Variants in EPS8L3 observed in about 807,000 individuals in gnomAD.
EPS8L3 encodes EPS8 signaling adaptor L3, also known as epidermal growth factor receptor kinase substrate 8-like protein 3.
A neutral mutation model predicts 88.5 loss-of-function variants in EPS8L3; 80 were observed. The observed-to-expected ratio is 0.90, with a 90% CI of 0.75 to 1.09. The LOEUF (loss-of-function observed/expected upper bound fraction) is 1.09. Among genes scored for constraint, EPS8L3 ranks in the 50% least tolerant of loss-of-function variants. The pLI is 0.00. For synonymous variants in EPS8L3, 286 were observed against 291.0 expected (o/e 0.98, Z 0.18); for missense variants, 721 against 735.2 (o/e 0.98, Z 0.22).
chr1:109,761,631 C>T lies in EPS8L3; in HGVS notation c.32-72G>A. The T allele has an allele frequency of 5.6e-6, 9 of 1,605,654 alleles. No individual in the cohort carries two copies. The South Asian group carries it at 7.7e-5, about 14-fold the overall frequency. The stretch of plus-strand genomic sequence containing the variant: ...GTGAGACTCAGGCAACTGCTGGGGG[C>T]AGTTGGTGTGAGGAAGGGGGAGTGG... On this transcript the variant is annotated intron_variant, in intron 2 of 18. Coordinates refer to ENST00000361965, the MANE Select transcript of EPS8L3 (RefSeq NM_133181.4).
At position 109,761,553 on chromosome 1, in the gene EPS8L3, C is replaced by T. The variant is rs763054655; in HGVS notation, c.38G>A (p.Arg13Gln). 74 of 1,613,502 alleles carry T rather than the reference C, an allele frequency of 4.6e-5. No individual in the cohort carries two copies. The highest frequency in any genetic ancestry group is 2.5e-4 in the Admixed American group (15 of 59,960). The change falls in exon 3 of 19, where the codon CGG (arginine) becomes CAG (glutamine). Residue 13 changes from arginine to glutamine, a missense_variant. By Grantham distance (43) the Arg-to-Gln change is conservative. Coordinates refer to ENST00000361965, the MANE Select transcript of EPS8L3 (RefSeq NM_133181.4). ...RPSSRAIYLH[R>Q]KEYSQNLTSE... is the part of the protein sequence containing the mutation. ...GGTGAGGTTCTGGGAGTACTCCTTC[C>T]GGTGCACTACAAGGGCACAGAGCAA...
chr1:109,752,358 G>T, intron 14 of EPS8L3, 165 bp from the exon 15 acceptor site: 1 of 668,186 alleles, frequency 1.5e-6, no homozygotes, highest in Non-Finnish European at 2.5e-6. Context: ...CTTTCTGCAG[G>T]CAGGAGGGGT....
At position 109,750,088 on chromosome 1, in the gene EPS8L3, G is replaced by T; in HGVS notation, c.*303C>A. 1 of 448,308 alleles carries T rather than the reference G, an allele frequency of 2.2e-6. No homozygotes were observed. Among genetic ancestry groups the T allele is most frequent in the Non-Finnish European group, 4.0e-6 (1 of 250,506 alleles). 27.8% of individuals were successfully genotyped at this position (448,308 alleles called of 1,614,324 possible). A position where few individuals can be genotyped will look rare whatever the true frequency, so the allele number is the denominator to read the frequency against. On this transcript the variant is annotated 3_prime_UTR_variant, in exon 19 of 19. Transcript: ENST00000361965. ...TGCGAGGGAGGCACATGACAAGCTT[G>T]AAGATGCTTTTATTGAGAAGGAGAG...
Position 109,759,343 on chromosome 1 carries a change from A to C in EPS8L3, c.300T>G (p.Asn100Lys). 1 of 1,614,126 alleles carries C rather than the reference A, an allele frequency of 6.2e-7. No individual in the cohort carries two copies. Residue 100 changes from asparagine to lysine, a missense_variant, in exon 5 of 19, where the codon AAT (asparagine) becomes AAG (lysine). Asn to Lys is a moderately conservative substitution (Grantham distance 94). Coordinates refer to ENST00000361965, the MANE Select transcript of EPS8L3 (RefSeq NM_133181.4). This position sits in a 1 kb window ranked among gnomAD's most constrained non-coding sequence, Gnocchi z 4.2. ...SYRLDSIQAM[N>K]VALNTCSYNS... is the part of the protein sequence containing the mutation. ...TGTAGGAACATGTGTTGAGCGCCAC[A>C]TTCATGGCCTGGATGCTGTCTAGGC...
In EPS8L3 at chr1:109,758,447, A is replaced by C; in HGVS notation, c.602-16T>G. 6.3e-7 allele frequency: 1 copy of C among 1,585,198 alleles called. No homozygotes were observed. Among genetic ancestry groups the C allele is most frequent in the Non-Finnish European group, 8.6e-7 (1 of 1,166,744 alleles). ...GGTGGGAGGCCTGCAGTGTAAGGGG[A>C]CCATGGACCTAGATCTTAGATCTTT... On this transcript the variant is annotated splice_polypyrimidine_tract_variant and intron_variant, in intron 7 of 18. Coordinates refer to ENST00000361965, the MANE Select transcript of EPS8L3 (RefSeq NM_133181.4).
chr1:109,756,805 G>C (rs1650325154), intron 12 of EPS8L3, among the ~76,000 whole-genome samples: 2 of 152,210 alleles, frequency 1.3e-5, no homozygotes, highest in African/African-American at 4.8e-5. Flanking sequence ...ACATGTTTCA[G>C]TAGTGGGTGA....
chr1:109,753,548 G>C (rs947109867), intron 12 of EPS8L3, among the ~76,000 whole-genome samples: 5 of 152,208 alleles, frequency 3.3e-5, no homozygotes, highest in Non-Finnish European at 7.3e-5. Flanking sequence ...AACACCCCAG[G>C]GGTCTTGTGC....
In EPS8L3 at chr1:109,752,072, GGGCT is replaced by G. The variant is rs773230881; in HGVS notation, c.1353_1356del (p.Ala452Ter). On this transcript the variant is annotated frameshift_variant, in exon 15 of 19. Transcript: ENST00000361965. LOFTEE classifies it high-confidence loss of function. The stretch of plus-strand genomic sequence containing the variant: ...AACTCGTACAAGACTTGCATTTTCA[GGGCT>G]GGCTGGGCAGGTTTGGGGCTGGAGG... 1 of 1,614,106 alleles carries G rather than the reference GGGCT, an allele frequency of 6.2e-7. No homozygotes were observed. The highest frequency in any genetic ancestry group is 8.5e-7 in the Non-Finnish European group (1 of 1,180,034).
Position 109,761,784 on chromosome 1 carries a change from A to G in EPS8L3, c.-24-11T>C, listed in dbSNP as rs770648531. On this transcript the variant is annotated splice_polypyrimidine_tract_variant and intron_variant, in intron 1 of 18. Transcript: ENST00000361965. ...GCTGAGGACGGCTCCCTAGAACCCAAAGTGAACCAGAGGCAGCCATCAGAG... is the reference window on the plus strand; with the variant it reads ...GCTGAGGACGGCTCCCTAGAACCCAGAGTGAACCAGAGGCAGCCATCAGAG... 9.3e-6 allele frequency: 15 copies of G among 1,613,542 alleles called. 1 individual carries two copies. The South Asian group carries it at 1.4e-4, about 15-fold the overall frequency.
Position 109,750,646 on chromosome 1 carries a change from C to A in EPS8L3, c.1770+14G>T, listed in dbSNP as rs755998794. The A allele has an allele frequency of 2.5e-6, 4 of 1,614,084 alleles. No homozygotes were observed. In the South Asian group the frequency reaches 4.4e-5, roughly 18 times the overall value. On this transcript the variant is annotated intron_variant, in intron 18 of 18. Transcript: ENST00000361965. Reference sequence around the variant, plus strand: ...ACACTCCCAATGGTTGTCAGGACCCCAGGGTGTCCTCACCCCCAGCATCCT... The same window carrying A: ...ACACTCCCAATGGTTGTCAGGACCCAAGGGTGTCCTCACCCCCAGCATCCT...
chr1:109,752,049 C>G lies in EPS8L3; in HGVS notation c.1380G>C (p.Glu460Asp), dbSNP rs764781952. Residue 460 changes from glutamate to aspartate, a missense_variant, in exon 15 of 19, where the codon GAG (glutamate) becomes GAC (aspartate). Physicochemically the swap from Glu to Asp is conservative, Grantham distance 45. Coordinates refer to ENST00000361965, the MANE Select transcript of EPS8L3 (RefSeq NM_133181.4). ...QPALKMQVLY[E>D]FEARNPRELT... Reference sequence around the variant, plus strand: ...GTTCCCGTGGGTTCCTAGCTTCAAACTCGTACAAGACTTGCATTTTCAGGG... The same window carrying G: ...GTTCCCGTGGGTTCCTAGCTTCAAAGTCGTACAAGACTTGCATTTTCAGGG... 11 of 1,613,922 alleles carry G rather than the reference C, an allele frequency of 6.8e-6. No homozygotes were observed. In the South Asian group the frequency reaches 1.2e-4, roughly 18 times the overall value.
At position 109,751,048 on chromosome 1, in the gene EPS8L3, C is replaced by T. The variant is rs562437059; in HGVS notation, c.1637+230G>A. On this transcript the variant is annotated intron_variant, in intron 17 of 18. Transcript: ENST00000361965. ...GGCTAAGCTGGCAGCTGGGGTTCTT[C>T]CCGAGTCCACTCCCCTGATCCTTGC... Among the ~76,000 whole-genome samples the T allele has an allele frequency of 3.3e-5, 5 of 152,316 alleles. No homozygotes were observed. The East Asian group carries it at 9.7e-4, about 29-fold the overall frequency.
Position 109,759,197 on chromosome 1 carries a change from C to T in EPS8L3, c.405+41G>A, listed in dbSNP as rs776282664. On this transcript the variant is annotated intron_variant, in intron 5 of 18. Coordinates refer to ENST00000361965, the MANE Select transcript of EPS8L3 (RefSeq NM_133181.4). This position sits in a 1 kb window ranked among gnomAD's most constrained non-coding sequence, Gnocchi z 4.2. ...TGTGTGTGTGTGGTGGGGTGATGGT[C>T]GATGAACCCCACCCCTGACCAATCA... 2.3e-5 allele frequency: 37 copies of T among 1,604,714 alleles called. No homozygotes were observed. The highest frequency in any genetic ancestry group is 1.7e-4 in the Middle Eastern group (1 of 5,922).
chr1:109,751,212 C>G, intron 17 of EPS8L3, 66 bp downstream of exon 17: 1 of 1,433,696 alleles, frequency 7.0e-7, no homozygotes, highest in Non-Finnish European at 9.7e-7. Context: ...TTCTGGGTCT[C>G]TGGGTTTCCT....
Position 109,750,262 on chromosome 1 carries a change from G to T in EPS8L3, c.*129C>A. 1 of 1,140,184 alleles carries T rather than the reference G, an allele frequency of 8.8e-7. No homozygotes were observed. The highest frequency in any genetic ancestry group is 1.3e-6 in the Non-Finnish European group (1 of 780,894). 70.6% of individuals were successfully genotyped at this position (1,140,184 alleles called of 1,614,324 possible). A position where few individuals can be genotyped will look rare whatever the true frequency, so the allele number is the denominator to read the frequency against. The stretch of plus-strand genomic sequence containing the variant: ...TCTGGGCCTGTCCATTGTTTTTGCT[G>T]TGTGAGCTGGGGTGTGGGGTTTGCT... On this transcript the variant is annotated 3_prime_UTR_variant, in exon 19 of 19. Transcript: ENST00000361965.
intron 17 of EPS8L3, among the ~76,000 whole-genome samples, chr1:109,751,057 A>C (rs568097544): frequency 6.6e-6 from 1 of 152,056 alleles, no homozygotes; most frequent in South Asian, 2.1e-4. Context: ...TCCCGAGTCC[A>C]CTCCCCTGAT....
Position 109,752,170 on chromosome 1 carries a change from C to T in EPS8L3, c.1259G>A (p.Ser420Asn). The T allele has an allele frequency of 6.2e-7, 1 of 1,613,542 alleles. No individual in the cohort carries two copies. Among genetic ancestry groups the T allele is most frequent in the Non-Finnish European group, 8.5e-7 (1 of 1,179,652 alleles). The change falls in exon 15 of 19, where the codon AGC becomes AAC. Residue 420 changes from serine to asparagine, a missense_variant. Transcript: ENST00000361965. The stretch of plus-strand genomic sequence containing the variant: ...CTTCTCCTGAGGAAAGTGTGAGGTG[C>T]TCCCTAACCTATGACTTCCCCGCCT... ...SLRRGSHRLG[S>N]TSHFPQEKTH...
rs1352176778 is a variant in EPS8L3, at chr1:109,761,718, C to T, written c.31+1G>A. On this transcript the variant is annotated splice_donor_variant, in intron 2 of 18. Coordinates refer to ENST00000361965, the MANE Select transcript of EPS8L3 (RefSeq NM_133181.4). LOFTEE classifies it high-confidence loss of function. ...GGGAGAGGGGCCTGCCAGGAGCTTA[C>T]AGTAAATGGCTCTGCTGCTGGGCCT... is the stretch of plus-strand genomic sequence containing the variant. 1 of 1,613,948 alleles carries T rather than the reference C, an allele frequency of 6.2e-7. No homozygotes were observed. Among genetic ancestry groups the T allele is most frequent in the Non-Finnish European group, 8.5e-7 (1 of 1,179,966 alleles).
intron 17 of EPS8L3, 26 bp from the exon 18 acceptor site, chr1:109,750,818 C>T (rs754878299): frequency 1.2e-6 from 2 of 1,613,524 alleles, no homozygotes; most frequent in South Asian, 2.2e-5. Flanking sequence ...CAAAAGCCAT[C>T]CGTGGTGGGC....
Sources: allele counts gnomAD v4.1 joint callset (sites outside exome capture counted in the v4.1 genomes callset), GRCh38; gene constraint gnomAD v4.1.1; non-coding constraint Gnocchi (gnomAD v3.1); transcripts MANE v1.5; gene names NCBI Gene and HGNC (gene_info 2026-07-23, HGNC 2026-07-21).